The following GABRG3 variants were observed in gnomAD, a reference collection of about 807,000 sequenced individuals.
GABRG3 encodes the protein gamma-aminobutyric acid type A receptor subunit gamma3, also known as gamma-aminobutyric acid receptor subunit gamma-3.
GABRG3 carries 25 observed loss-of-function variants against 48.8 expected under a neutral mutation model. The ratio of observed to expected loss-of-function variants is 0.51; its 90% confidence interval spans 0.37 to 0.72. The LOEUF (loss-of-function observed/expected upper bound fraction) is 0.72. Among genes scored for constraint, GABRG3 ranks in the 30% least tolerant of loss-of-function variants. The pLI, the probability that GABRG3 is intolerant of heterozygous loss-of-function variation, is 0.00. For synonymous variants in GABRG3, 227 were observed against 217.6 expected, an observed-to-expected ratio of 1.04 and a Z score of -0.38; for missense variants, 394 against 577.9, an observed-to-expected ratio of 0.68 and a Z score of 3.26.
intron 5 of GABRG3, among the ~76,000 whole-genome samples, chr15:27,353,013 T>G (rs183530332): frequency 2.1e-3 from 316 of 152,280 alleles, no homozygotes; most frequent in Admixed American, 5.4e-3. Flanking sequence ...ACTTCTGTGT[T>G]CCTTCATGTT....
At chr15:27,366,621 G>A (rs931170396) in intron 5 of GABRG3, among the ~76,000 whole-genome samples, 3 of 152,064 alleles carry the variant, frequency 2.0e-5, no homozygotes, top group Admixed American at 6.5e-5. Context: ...GTTAAGGAAC[G>A]AACCCAAGCT....
intron 5 of GABRG3, among the ~76,000 whole-genome samples, chr15:27,407,450 A>G (rs1421442849): frequency 6.6e-6 from 1 of 152,178 alleles, no homozygotes; most frequent in Admixed American, 6.5e-5. Context: ...CCCAGCAGTC[A>G]CACTCCTTGG....
chr15:27,149,161 C>T (rs941014194), intron 3 of GABRG3, among the ~76,000 whole-genome samples: 34 of 151,936 alleles, frequency 2.2e-4, no homozygotes, highest in Non-Finnish European at 2.2e-4. Flanking sequence ...TTGTAGGATA[C>T]AAAATCAATA....
chr15:27,434,102 G>T (rs1190113641), intron 5 of GABRG3, among the ~76,000 whole-genome samples: 1 of 152,200 alleles, frequency 6.6e-6, no homozygotes, highest in Non-Finnish European at 1.5e-5. Context: ...TCATGCAGCT[G>T]ATTTCTGGCT....
At chr15:27,003,845 C>CG (rs567653280) in intron 2 of GABRG3, among the ~76,000 whole-genome samples, 5,585 of 133,996 alleles carry the variant, frequency 0.042, 207 homozygotes, top group East Asian at 0.14. Flanking sequence ...GCTGGCCGGG[C>CG]GGGGGGGGCT....
intron 5 of GABRG3, among the ~76,000 whole-genome samples, chr15:27,345,436 C>T (rs1176049893): frequency 6.6e-6 from 1 of 152,164 alleles, no homozygotes; most frequent in Non-Finnish European, 1.5e-5. Flanking sequence ...TAATATGATA[C>T]TGCTTCTTAT....
intron 3 of GABRG3, among the ~76,000 whole-genome samples, chr15:27,114,594 T>C (rs1045071448): frequency 6.6e-6 from 1 of 152,238 alleles, no homozygotes; most frequent in African/African-American, 2.4e-5. Context: ...AGAGAATAAT[T>C]TTAAAATGTT....
At chr15:27,435,038 C>G (rs1443289986) in intron 5 of GABRG3, among the ~76,000 whole-genome samples, 1 of 152,082 alleles carries the variant, frequency 6.6e-6, no homozygotes, top group African/African-American at 2.4e-5. Flanking sequence ...TTTGTGCTCA[C>G]TCCCCTCTCT....
In GABRG3 at chr15:27,535,133, A is replaced by G. The variant is rs1891519907; in HGVS notation, c.*2252A>G. 1 of 152,204 alleles carries G rather than the reference A, an allele frequency of 6.6e-6. No homozygotes were observed. The highest frequency in any genetic ancestry group is 1.5e-5 in the Non-Finnish European group (1 of 68,052). The allele number at this position is 152,204 out of a possible 1,614,324, so 9.4% of individuals were successfully genotyped here. On this transcript the variant is annotated 3_prime_UTR_variant, in exon 10 of 10. Transcript: ENST00000615808. The stretch of plus-strand genomic sequence containing the variant: ...AAGTCACACCACAGCACTGAGCGCC[A>G]AGGGAAGGTGGCCCAAGGGCAGTCT...
chr15:27,354,681 A>G (rs1167529719), intron 5 of GABRG3, among the ~76,000 whole-genome samples: 1 of 152,182 alleles, frequency 6.6e-6, no homozygotes. Context: ...CAGAGAGACT[A>G]CTGTAGGAAC....
rs2150868715 is a variant in GABRG3, at chr15:27,537,781, C to G, written c.*4900C>G. 1 of 151,304 alleles carries G rather than the reference C, an allele frequency of 6.6e-6. No homozygotes were observed. The highest frequency in any genetic ancestry group is 2.1e-4 in the South Asian group (1 of 4,804). The allele number at this position is 151,304 out of a possible 1,614,324, so 9.4% of individuals were successfully genotyped here. A position where few individuals can be genotyped will look rare whatever the true frequency, so the allele number is the denominator to read the frequency against. ...TCAGCTTGATCTAGTTGTATTAAGG[C>G]CAAAAGGCAGACTTTCTTTATATTT... On this transcript the variant is annotated 3_prime_UTR_variant, in exon 10 of 10. Coordinates refer to ENST00000615808, the MANE Select transcript of GABRG3 (RefSeq NM_033223.5).
intron 2 of GABRG3, among the ~76,000 whole-genome samples, chr15:26,989,847 A>G (rs1245155383): frequency 6.6e-6 from 1 of 151,942 alleles, no homozygotes; most frequent in Non-Finnish European, 1.5e-5. Context: ...AATTGTTTTG[A>G]TTTTAGATCC....
intron 3 of GABRG3, among the ~76,000 whole-genome samples, chr15:27,249,180 TC>T: frequency 6.6e-6 from 1 of 152,092 alleles, no homozygotes; most frequent in Non-Finnish European, 1.5e-5. Context: ...GGAAGCTGCG[TC>T]CCGGCCACCC....
chr15:27,470,895 G>A (rs1889768452), intron 5 of GABRG3, among the ~76,000 whole-genome samples: 1 of 139,070 alleles, frequency 7.2e-6, no homozygotes, highest in Non-Finnish European at 1.5e-5. Flanking sequence ...TCAAATCCTA[G>A]TATATGGCTG....
chr15:27,252,312 C>T (rs1460209510), intron 3 of GABRG3, among the ~76,000 whole-genome samples: 1 of 152,152 alleles, frequency 6.6e-6, no homozygotes, highest in Non-Finnish European at 1.5e-5. Context: ...GTCTGGCTCC[C>T]GAGGTCCTCC....
intron 3 of GABRG3, among the ~76,000 whole-genome samples, chr15:27,201,565 GTCTGT>G (rs535630809): frequency 0.049 from 7,527 of 152,082 alleles, 435 homozygotes; most frequent in African/African-American, 0.14. Flanking sequence ...TCCATTAAGG[GTCTGT>G]AACACTTACA....
At chr15:27,058,638 T>C (rs1448948001) in intron 3 of GABRG3, among the ~76,000 whole-genome samples, 5 of 152,172 alleles carry the variant, frequency 3.3e-5, no homozygotes, top group East Asian at 3.9e-4. Flanking sequence ...TTTTTTTTTT[T>C]TCAAAGTCAA....
At chr15:26,998,649 G>A (rs187165333) in intron 2 of GABRG3, among the ~76,000 whole-genome samples, 1 of 152,230 alleles carries the variant, frequency 6.6e-6, no homozygotes, top group Non-Finnish European at 1.5e-5. Context: ...TGAAAAATGG[G>A]GCTGGAGAGA....
chr15:27,040,485 A>G (rs965770934), intron 3 of GABRG3, among the ~76,000 whole-genome samples: 1 of 152,210 alleles, frequency 6.6e-6, no homozygotes, highest in Non-Finnish European at 1.5e-5. Context: ...TGAATGTCCT[A>G]TGATTCCATG....
Sources: allele counts gnomAD v4.1 joint callset (sites outside exome capture counted in the v4.1 genomes callset), GRCh38; gene constraint gnomAD v4.1.1; transcripts MANE v1.5; gene names NCBI Gene and HGNC (gene_info 2026-07-23, HGNC 2026-07-21).